Variants in ATP1A2 observed in about 807,000 individuals in gnomAD.
The protein encoded by ATP1A2 is ATPase Na+/K+ transporting subunit alpha 2.
Under a neutral mutation model 113.1 loss-of-function variants are expected in ATP1A2, and 56 were observed. That is an observed-to-expected ratio of 0.49 (90% CI 0.40 to 0.62). The LOEUF (loss-of-function observed/expected upper bound fraction) is 0.62, where lower values mean the gene tolerates loss of function less well. ATP1A2 is among the 20% of genes least tolerant of loss of function. ATP1A2 has a pLI of 0.00. For synonymous variants in ATP1A2, 490 were observed against 526.8 expected (o/e 0.93, Z 0.96); for missense variants, 712 against 1,357.8 (o/e 0.52, Z 7.47).
chr1:160,128,618 C>A, intron 8 of ATP1A2, 34 bp from the exon 9 acceptor site: 1 of 1,614,128 alleles, frequency 6.2e-7, no homozygotes. Context: ...CGGCTTCAGC[C>A]TTAACCTTTT....
chr1:160,125,453 G>T (rs576926555), intron 7 of ATP1A2, 200 bp downstream of exon 7: 3 of 595,398 alleles, frequency 5.0e-6, no homozygotes, highest in Non-Finnish European at 9.0e-6. Context: ...CATGGGAAAT[G>T]TATCTCCCTT....
At position 160,135,036 on chromosome 1, in the gene ATP1A2, C is replaced by G. The variant is rs190692598; in HGVS notation, c.1965-109C>G. 2.7e-4 allele frequency: 388 copies of G among 1,419,924 alleles called. 3 individuals carry two copies. In the East Asian group the frequency reaches 8.8e-3, roughly 32 times the overall value. 88.0% of individuals were successfully genotyped at this position (1,419,924 alleles called of 1,614,324 possible). A position where few individuals can be genotyped will look rare whatever the true frequency, so the allele number is the denominator to read the frequency against. On this transcript the variant is annotated intron_variant, in intron 14 of 22. Coordinates refer to ENST00000361216, the MANE Select transcript of ATP1A2 (RefSeq NM_000702.4). This position sits in a 1 kb window ranked among gnomAD's most constrained non-coding sequence, Gnocchi z 6.3. ...AGGAGAACTGAAGCAACAGGGGAAG[C>G]AGGCTCAGCAGGGAGCCTGCAGGCT...
chr1:160,116,205 C>T (rs1376865049), intron 1 of ATP1A2, among the ~76,000 whole-genome samples: 4 of 152,108 alleles, frequency 2.6e-5, no homozygotes, highest in East Asian at 1.9e-4. Context: ...CTGCATCTCC[C>T]GGCCTCCCAG....
chr1:160,126,990 C>G (rs1038879028), intron 7 of ATP1A2, among the ~76,000 whole-genome samples: 1 of 152,070 alleles, frequency 6.6e-6, no homozygotes, highest in South Asian at 2.1e-4. Flanking sequence ...AAAACAGCAC[C>G]GAGATAGGAA....
chr1:160,130,402 T>A lies in ATP1A2; in HGVS notation c.1652-20T>A, dbSNP rs1558006678. ...GAAGCCACTCTGCGGATCTCACTGA[T>A]CCCTTCTGCCCCCCTTTAGGATTCT... On this transcript the variant is annotated intron_variant, in intron 12 of 22. Coordinates refer to ENST00000361216, the MANE Select transcript of ATP1A2 (RefSeq NM_000702.4). The A allele has an allele frequency of 6.2e-7, 1 of 1,614,062 alleles. No homozygotes were observed. Among genetic ancestry groups the A allele is most frequent in the African/African-American group, 1.3e-5 (1 of 74,932 alleles).
rs756974313 is a variant in ATP1A2, at chr1:160,140,001, TC to T, written c.3034+23del. The T allele has an allele frequency of 1.9e-6, 3 of 1,610,390 alleles. No individual in the cohort carries two copies. Among genetic ancestry groups the T allele is most frequent in the Non-Finnish European group, 8.5e-7 (1 of 1,178,750 alleles). On this transcript the variant is annotated intron_variant, in intron 22 of 22. Coordinates refer to ENST00000361216, the MANE Select transcript of ATP1A2 (RefSeq NM_000702.4). ...ATCCTGGTGGTAAGCCCCTCCACAT[TC>T]CCCCCAGCAAAGTGCAAGCCCCACC...
chr1:160,125,421 T>C, intron 7 of ATP1A2, 168 bp downstream of exon 7: 1 of 658,564 alleles, frequency 1.5e-6, no homozygotes, highest in South Asian at 1.7e-5. Context: ...GAGCAGGGTA[T>C]TGACTGAGGG....
Position 160,141,454 on chromosome 1 carries a change from C to T in ATP1A2, c.*132C>T. On this transcript the variant is annotated 3_prime_UTR_variant, in exon 23 of 23. Coordinates refer to ENST00000361216, the MANE Select transcript of ATP1A2 (RefSeq NM_000702.4). ...TTTGGGGAGAGATAATGAGGCAACT[C>T]AGCAGGCTAAGTTGCGGGGTATATA... 1 of 1,181,734 alleles carries T rather than the reference C, an allele frequency of 8.5e-7. No individual in the cohort carries two copies. Among genetic ancestry groups the T allele is most frequent in the Non-Finnish European group, 1.3e-6 (1 of 797,348 alleles). The allele number at this position is 1,181,734 out of a possible 1,614,324, so 73.2% of individuals were successfully genotyped here.
At chr1:160,124,254 G>T in intron 5 of ATP1A2, 42 bp from the exon 6 acceptor site, 1 of 1,567,738 alleles carries the variant, frequency 6.4e-7, no homozygotes, top group Non-Finnish European at 8.6e-7. Flanking sequence ...GAAGGCAGGG[G>T]CAGAGACAAG....
At chr1:160,118,052 G>A (rs1280578814) in intron 1 of ATP1A2, among the ~76,000 whole-genome samples, 2 of 152,024 alleles carry the variant, frequency 1.3e-5, no homozygotes, top group African/African-American at 4.8e-5. Context: ...CAGAGCCTGA[G>A]ATCTTTGCCA....
chr1:160,136,182 A>G (rs1459886814), intron 17 of ATP1A2, 65 bp from the exon 18 acceptor site: 31 of 1,610,680 alleles, frequency 1.9e-5, no homozygotes, highest in Non-Finnish European at 2.5e-5. Context: ...TCGAAGATCA[A>G]TTGCTTCTGT....
At chr1:160,123,166 G>A in intron 3 of ATP1A2, 47 bp from the exon 4 acceptor site, 2 of 1,605,118 alleles carry the variant, frequency 1.2e-6, no homozygotes, top group Non-Finnish European at 1.7e-6. Context: ...GTGACTGGCT[G>A]GGTTGGCTCC....
Position 160,135,987 on chromosome 1 carries a change from A to C in ATP1A2, c.2433A>C (p.Thr811=). Reference sequence around the variant, plus strand: ...CCATCCTTTGCATTGACCTGGGCACAGATATGGTGAGCGCAGGAGGTGGAG... The same window carrying C: ...CCATCCTTTGCATTGACCTGGGCACCGATATGGTGAGCGCAGGAGGTGGAG... ...TVTILCIDLG[T]DMVPAISLAY... Residue 811 remains threonine (T), a synonymous_variant, in exon 17 of 23, where the codon ACA becomes ACC. Transcript: ENST00000361216. This position sits in a 1 kb window ranked among gnomAD's most constrained non-coding sequence, Gnocchi z 6.3. 1 of 1,614,032 alleles carries C rather than the reference A, an allele frequency of 6.2e-7. No individual in the cohort carries two copies. Among genetic ancestry groups the C allele is most frequent in the South Asian group, 1.1e-5 (1 of 91,062 alleles).
Position 160,123,367 on chromosome 1 carries a change from T to C in ATP1A2, c.332T>C (p.Leu111Pro). The C allele has an allele frequency of 3.1e-6, 5 of 1,614,214 alleles. No individual in the cohort carries two copies. The South Asian group carries it at 3.3e-5, about 11-fold the overall frequency. Residue 111 changes from leucine to proline, a missense_variant, in exon 4 of 23, where the codon CTG (leucine) becomes CCG (proline). Leu to Pro is a moderately conservative substitution (Grantham distance 98, BLOSUM62 -3). Transcript: ENST00000361216. ...TGGATTGGGGCTATCCTCTGCTTCC[T>C]GGCCTACGGCATCCAGGCTGCCATG... ...LLWIGAILCF[L>P]AYGIQAAMED...
Position 160,129,018 on chromosome 1 carries a change from C to A in ATP1A2, c.1255C>A (p.Leu419Met). ...CAAACGATCCCCTACGTGGACGGCC[C>A]TGTCTCGAATTGCTGGTCTCTGCAA... The part of the protein sequence containing the change: ...FDKRSPTWTA[L>M]SRIAGLCNRA... Residue 419 changes from leucine to methionine, a missense_variant, in exon 10 of 23, where the codon CTG (leucine) becomes ATG (methionine). Leu to Met is a conservative substitution (Grantham distance 15). This residue lies in a region of ATP1A2 where 263 missense variants were observed against 380.6 expected (regional missense o/e 0.69). Transcript: ENST00000361216. 6.2e-7 allele frequency: 1 copy of A among 1,610,926 alleles called. No homozygotes were observed.
At chr1:160,119,376 G>A (rs1182736945) in intron 1 of ATP1A2, among the ~76,000 whole-genome samples, 1 of 149,836 alleles carries the variant, frequency 6.7e-6, no homozygotes, top group Non-Finnish European at 1.5e-5. Context: ...ATTCCTGAAA[G>A]CCTAGTGCAG....
chr1:160,139,790 G>A (rs937974931), intron 21 of ATP1A2, 49 bp downstream of exon 21: 13 of 1,612,398 alleles, frequency 8.1e-6, no homozygotes, highest in Non-Finnish European at 1.1e-5. Context: ...GGGGCCTTCA[G>A]CCCCCTCCAG....
chr1:160,129,234 T>G, intron 10 of ATP1A2, 32 bp from the exon 11 acceptor site: 1 of 1,614,116 alleles, frequency 6.2e-7, no homozygotes, highest in Non-Finnish European at 8.5e-7. Flanking sequence ...TTCCCTCCCA[T>G]GCTGACACTG....
At chr1:160,128,486 C>T (rs1481644923) in intron 8 of ATP1A2, 166 bp from the exon 9 acceptor site, 2 of 1,534,628 alleles carry the variant, frequency 1.3e-6, no homozygotes, top group Non-Finnish European at 1.7e-6. Flanking sequence ...TACTCATGAT[C>T]TCAACACATC....
Sources: gnomAD v4.1 joint callset for allele counts (sites outside exome capture counted in the v4.1 genomes callset) on GRCh38, gnomAD v4.1.1 for gene constraint, gnomAD v4.1.1 regional missense constraint, Gnocchi (gnomAD v3.1) non-coding constraint, MANE v1.5 for transcripts, NCBI Gene and HGNC (gene_info 2026-07-23, HGNC 2026-07-21) for gene names.